ACOX2: variants seen among roughly 807,000 people sequenced by gnomAD.
ACOX2 encodes the protein peroxisomal acyl-coenzyme A oxidase 2.
In ACOX2, 59 loss-of-function variants were observed where a neutral mutation model predicts 77.5. That is an observed-to-expected ratio of 0.76 (90% CI 0.62 to 0.95). The LOEUF is 0.95. ACOX2 is among the 40% of genes least tolerant of loss of function. The probability of loss-of-function intolerance (pLI) is 0.00; values close to 1 mark genes in which losing one functional copy is unlikely to be tolerated. For synonymous variants in ACOX2, 317 were observed against 340.1 expected, an observed-to-expected ratio of 0.93 and a Z score of 0.75; for missense variants, 837 against 880.4, an observed-to-expected ratio of 0.95 and a Z score of 0.62.
At chr3:58,507,728 A>G (rs1266802574) in intron 14 of ACOX2, among the ~76,000 whole-genome samples, 5 of 152,254 alleles carry the variant, frequency 3.3e-5, no homozygotes, top group African/African-American at 1.2e-4. Context: ...TAACTGTACT[A>G]AAGCAGTGAA....
rs1178612017 is a variant in ACOX2, at chr3:58,522,638, T to A, written c.1527-37A>T. On this transcript the variant is annotated intron_variant, in intron 11 of 14. Transcript: ENST00000302819. The surrounding 1 kb of genome is among the most constrained non-coding windows in gnomAD (Gnocchi z 4.3). ...AGCAAAAAAGGTTCAGCTTCCTGAC[T>A]GAGTGGAAAAGACAACTGATGGGCT... The A allele has an allele frequency of 1.3e-6, 2 of 1,596,568 alleles. No individual in the cohort carries two copies. Among genetic ancestry groups the A allele is most frequent in the South Asian group, 1.1e-5 (1 of 90,652 alleles).
At chr3:58,529,024 C>T (rs1301908998) in intron 8 of ACOX2, 68 bp from the exon 9 acceptor site, 4 of 1,449,156 alleles carry the variant, frequency 2.8e-6, no homozygotes, top group Non-Finnish European at 1.8e-6. Flanking sequence ...ATCCCCGACA[C>T]CATAAAAACC....
At position 58,534,382 on chromosome 3, in the gene ACOX2, G is replaced by A. The variant is rs1311486181; in HGVS notation, c.301C>T (p.Arg101Cys). 7 of 1,614,152 alleles carry A rather than the reference G, an allele frequency of 4.3e-6. No homozygotes were observed. The highest frequency in any genetic ancestry group is 4.5e-5 in the East Asian group (2 of 44,890). ...CACCTGTAAGCGTAGCCTAATTCACGACCATCTTCTAACCAACCCAGGCGC... is the reference window on the plus strand; with the variant it reads ...CACCTGTAAGCGTAGCCTAATTCACAACCATCTTCTAACCAACCCAGGCGC... ...ARRLGWLEDG[R>C]ELGYAYRALS... The change falls in exon 3 of 15, where the codon CGT becomes TGT. Residue 101 changes from arginine to cysteine, a missense_variant. Arg to Cys is a radical substitution (Grantham distance 180). Transcript: ENST00000302819. This position sits in a 1 kb window ranked among gnomAD's most constrained non-coding sequence, Gnocchi z 4.8.
At position 58,519,164 on chromosome 3, in the gene ACOX2, A is replaced by G. The variant is rs1291171500; in HGVS notation, c.1633-1741T>C. Among the ~76,000 whole-genome samples the G allele has an allele frequency of 1.3e-5, 2 of 151,882 alleles. No homozygotes were observed. Among genetic ancestry groups the G allele is most frequent in the African/African-American group, 4.8e-5 (2 of 41,374 alleles). On this transcript the variant is annotated intron_variant, in intron 12 of 14. Coordinates refer to ENST00000302819, the MANE Select transcript of ACOX2 (RefSeq NM_003500.4). The surrounding 1 kb of genome is among the most constrained non-coding windows in gnomAD (Gnocchi z 5.0). The stretch of plus-strand genomic sequence containing the variant: ...TTTGGGAAGTTGAGGTGGGCGGACC[A>G]CTTGAGGTCAGGAGTTCGAGACCAG...
Position 58,526,700 on chromosome 3 carries a change from C to T in ACOX2, c.1156-44G>A, listed in dbSNP as rs2063398584. On this transcript the variant is annotated intron_variant, in intron 9 of 14. Coordinates refer to ENST00000302819, the MANE Select transcript of ACOX2 (RefSeq NM_003500.4). This position sits in a 1 kb window ranked among gnomAD's most constrained non-coding sequence, Gnocchi z 4.3. Reference sequence around the variant, plus strand: ...GGGTTGGGCGGTGTTAGGGGGCCTCCACCATAGGGACCAACCCTGTGCACC... The same window carrying T: ...GGGTTGGGCGGTGTTAGGGGGCCTCTACCATAGGGACCAACCCTGTGCACC... The T allele has an allele frequency of 6.3e-7, 1 of 1,593,948 alleles. No individual in the cohort carries two copies. Among genetic ancestry groups the T allele is most frequent in the Non-Finnish European group, 8.6e-7 (1 of 1,169,106 alleles).
At chr3:58,517,037 T>C (rs1397586492) in intron 13 of ACOX2, among the ~76,000 whole-genome samples, 169 bp downstream of exon 13, 2 of 152,248 alleles carry the variant, frequency 1.3e-5, no homozygotes, top group Non-Finnish European at 2.9e-5. Context: ...TTTTTTTCTT[T>C]CATTAATTCA....
rs370102643 is a variant in ACOX2 at position 58,505,191 on chromosome 3, G to A, written c.*33C>T. On this transcript the variant is annotated 3_prime_UTR_variant, in exon 15 of 15. Coordinates refer to ENST00000302819, the MANE Select transcript of ACOX2 (RefSeq NM_003500.4). This position sits in a 1 kb window ranked among gnomAD's most constrained non-coding sequence, Gnocchi z 4.4. ...GCCATAGTACCATTATCACATGATG[G>A]TGCTGGTTGCTTCTTGAATACTGTT... The A allele has an allele frequency of 6.3e-7, 1 of 1,575,108 alleles. No individual in the cohort carries two copies. The highest frequency in any genetic ancestry group is 8.7e-7 in the Non-Finnish European group (1 of 1,148,290).
rs150806702 is a variant in ACOX2 at position 58,524,396 on chromosome 3, G to A, written c.1526+30C>T. The A allele has an allele frequency of 6.9e-6, 11 of 1,600,792 alleles. No homozygotes were observed. The highest frequency in any genetic ancestry group is 6.7e-5 in the African/African-American group (5 of 74,836). On this transcript the variant is annotated intron_variant, in intron 11 of 14. Coordinates refer to ENST00000302819, the MANE Select transcript of ACOX2 (RefSeq NM_003500.4). The surrounding 1 kb of genome is among the most constrained non-coding windows in gnomAD (Gnocchi z 5.5). Reference sequence around the variant, plus strand: ...TGTGGCATGGAGCCTGTGCCCAGGTGGGATGGCTGATTTCTCAGCACTGGC... The same window carrying A: ...TGTGGCATGGAGCCTGTGCCCAGGTAGGATGGCTGATTTCTCAGCACTGGC...
Position 58,531,740 on chromosome 3 carries a change from G to T in ACOX2, c.656C>A (p.Ala219Asp). The T allele has an allele frequency of 1.2e-6, 2 of 1,614,204 alleles. No homozygotes were observed. The highest frequency in any genetic ancestry group is 3.3e-4 in the Middle Eastern group (2 of 6,062). Residue 219 changes from alanine to aspartate, a missense_variant, in exon 6 of 15, where the codon GCT becomes GAT. Ala to Asp is a moderately radical substitution (Grantham distance 126, BLOSUM62 -2). Coordinates refer to ENST00000302819, the MANE Select transcript of ACOX2 (RefSeq NM_003500.4). The surrounding 1 kb of genome is among the most constrained non-coding windows in gnomAD (Gnocchi z 5.8). ...AAGACTCCGGATTGGCACAATAAAA[G>T]CGTGCATGCCCCGCCTGGCTCCTGA... Reference protein sequence around the residue: ...ICSGARRGMHAFIVPIRSLQD... With the variant: ...ICSGARRGMHDFIVPIRSLQD...
Position 58,519,494 on chromosome 3 carries a change from T to G in ACOX2, c.1633-2071A>C, listed in dbSNP as rs2063344544. 6.6e-6 allele frequency among the ~76,000 whole-genome samples: 1 copy of G among 152,104 alleles called. No homozygotes were observed. Among genetic ancestry groups the G allele is most frequent in the Non-Finnish European group, 1.5e-5 (1 of 68,018 alleles). On this transcript the variant is annotated intron_variant, in intron 12 of 14. Coordinates refer to ENST00000302819, the MANE Select transcript of ACOX2 (RefSeq NM_003500.4). This position sits in a 1 kb window ranked among gnomAD's most constrained non-coding sequence, Gnocchi z 5.0. ...GCTTTATGTGCAAAAGGCTGTACTT[T>G]CAGGAAGCTGCAGGCAATTTAATGA... is the stretch of plus-strand genomic sequence containing the variant.
At position 58,510,665 on chromosome 3, in the gene ACOX2, T is replaced by TAA. The variant is rs1560209686; in HGVS notation, c.1851-1641_1851-1640insTT. Among the ~76,000 whole-genome samples, 26 of 10,240 alleles carry TAA rather than the reference T, an allele frequency of 2.5e-3. 1 individual carries two copies. Among genetic ancestry groups the TAA allele is most frequent in the African/African-American group, 4.2e-3 (10 of 2,364 alleles). The allele number at this position is 10,240 out of a possible 152,430, so 6.7% of individuals were successfully genotyped here. ...AAAAAAAAAAAAAAAAAAAAAAAAA[T>TAA]ATATATATATATATATATATATATA... On this transcript the variant is annotated intron_variant, in intron 13 of 14. Coordinates refer to ENST00000302819, the MANE Select transcript of ACOX2 (RefSeq NM_003500.4).
rs1168841796 is a variant in ACOX2 at position 58,526,256 on chromosome 3, C to T, written c.1346+210G>A. ...AGCAGGACAGGATAGAAGCAAGAGA[C>T]CAGGGAGGGGTCTGAGGCTGTGGTG... On this transcript the variant is annotated intron_variant, in intron 10 of 14. Coordinates refer to ENST00000302819, the MANE Select transcript of ACOX2 (RefSeq NM_003500.4). This position sits in a 1 kb window ranked among gnomAD's most constrained non-coding sequence, Gnocchi z 4.3. Among the ~76,000 whole-genome samples the T allele has an allele frequency of 6.6e-6, 1 of 152,166 alleles. No individual in the cohort carries two copies. The highest frequency in any genetic ancestry group is 1.5e-5 in the Non-Finnish European group (1 of 68,012).
At position 58,526,368 on chromosome 3, in the gene ACOX2, T is replaced by C; in HGVS notation, c.1346+98A>G. The C allele has an allele frequency of 7.3e-7, 1 of 1,376,390 alleles. No homozygotes were observed. The highest frequency in any genetic ancestry group is 1.5e-5 in the South Asian group (1 of 67,040). The allele number at this position is 1,376,390 out of a possible 1,614,324, so 85.3% of individuals were successfully genotyped here. ...CTCCCAAATAGCACTTCGCAAAGCC[T>C]GCTCTTTTTATGGGCCTCAGACGGA... On this transcript the variant is annotated intron_variant, in intron 10 of 14. Coordinates refer to ENST00000302819, the MANE Select transcript of ACOX2 (RefSeq NM_003500.4). The surrounding 1 kb of genome is among the most constrained non-coding windows in gnomAD (Gnocchi z 4.3).
At position 58,526,816 on chromosome 3, in the gene ACOX2, C is replaced by T. The variant is rs1415879953; in HGVS notation, c.1156-160G>A. ...CTTTATGAATGAGAAGGCGGGTACT[C>T]AGCTTATGTGACTCACCCAGAGGCA... is the stretch of plus-strand genomic sequence containing the variant. On this transcript the variant is annotated intron_variant, in intron 9 of 14. Transcript: ENST00000302819. The surrounding 1 kb of genome is among the most constrained non-coding windows in gnomAD (Gnocchi z 4.3). 9.1e-6 allele frequency: 7 copies of T among 768,984 alleles called. No individual in the cohort carries two copies. The highest frequency in any genetic ancestry group is 8.9e-5 in the African/African-American group (5 of 56,492). 47.6% of individuals were successfully genotyped at this position (768,984 alleles called of 1,614,324 possible). A position where few individuals can be genotyped will look rare whatever the true frequency, so the allele number is the denominator to read the frequency against.
chr3:58,534,461 A>G lies in ACOX2; in HGVS notation c.222T>C (p.Asn74=), dbSNP rs1262250359. 6.2e-7 allele frequency: 1 copy of G among 1,614,176 alleles called. No homozygotes were observed. Among genetic ancestry groups the G allele is most frequent in the Admixed American group, 1.7e-5 (1 of 60,016 alleles). Residue 74 remains asparagine, a synonymous_variant, in exon 3 of 15, where the codon AAT becomes AAC. Transcript: ENST00000302819. This position sits in a 1 kb window ranked among gnomAD's most constrained non-coding sequence, Gnocchi z 4.8. ...SCKDNYFMTQ[N]ERYKAAMRRA... ...TCCGCATGGCAGCCTTATAACGCTCATTCTGGGTCATGAAATAATTGTCCT... is the reference window on the plus strand; with the variant it reads ...TCCGCATGGCAGCCTTATAACGCTCGTTCTGGGTCATGAAATAATTGTCCT...
chr3:58,535,263 C>A lies in ACOX2; in HGVS notation c.-91-66G>T. On this transcript the variant is annotated intron_variant, in intron 1 of 14. Transcript: ENST00000302819. The surrounding 1 kb of genome is among the most constrained non-coding windows in gnomAD (Gnocchi z 4.8). ...GGGCTGGTTGGTAGAAGAAAGACAT[C>A]CCTAAGTACCTGAATGCCACTCCAC... The A allele has an allele frequency of 3.6e-6, 3 of 842,834 alleles. No individual in the cohort carries two copies. The highest frequency in any genetic ancestry group is 2.5e-5 in the East Asian group (1 of 40,392). The allele number at this position is 842,834 out of a possible 1,614,324, so 52.2% of individuals were successfully genotyped here. A position where few individuals can be genotyped will look rare whatever the true frequency, so the allele number is the denominator to read the frequency against.
At position 58,516,385 on chromosome 3, in the gene ACOX2, C is replaced by A. The variant is rs144762562; in HGVS notation, c.1850+821G>T. Among the ~76,000 whole-genome samples the A allele has an allele frequency of 5.8e-3, 879 of 152,330 alleles. 7 individuals are homozygous for A. Among genetic ancestry groups the A allele is most frequent in the Non-Finnish European group, 0.011 (729 of 68,034 alleles). ...GACCTGAGATTGTACCCAGCCCCTC[C>A]TCTGGCTGATTGTGTGATACTGGGC... is the stretch of plus-strand genomic sequence containing the variant. On this transcript the variant is annotated intron_variant, in intron 13 of 14. Transcript: ENST00000302819.
Position 58,531,157 on chromosome 3 carries a change from A to G in ACOX2, c.819+94T>C. 8.7e-7 allele frequency: 1 copy of G among 1,152,304 alleles called. No homozygotes were observed. Among genetic ancestry groups the G allele is most frequent in the Non-Finnish European group, 1.2e-6 (1 of 805,522 alleles). 71.4% of individuals were successfully genotyped at this position (1,152,304 alleles called of 1,614,324 possible). A position where few individuals can be genotyped will look rare whatever the true frequency, so the allele number is the denominator to read the frequency against. The stretch of plus-strand genomic sequence containing the variant: ...TTGGGGGAGGAGGTTATGTGGCCCA[A>G]ACTAAGCTCTATGGAGGACCCAGGC... On this transcript the variant is annotated intron_variant, in intron 7 of 14. Coordinates refer to ENST00000302819, the MANE Select transcript of ACOX2 (RefSeq NM_003500.4). The surrounding 1 kb of genome is among the most constrained non-coding windows in gnomAD (Gnocchi z 5.8).
At position 58,531,779 on chromosome 3, in the gene ACOX2, G is replaced by T. The variant is rs1381307411; in HGVS notation, c.617C>A (p.Ala206Asp). The change falls in exon 6 of 15, where the codon GCC (alanine) becomes GAC (aspartate). Residue 206 changes from alanine to aspartate, a missense_variant. Ala to Asp is a moderately radical substitution (Grantham distance 126). Coordinates refer to ENST00000302819, the MANE Select transcript of ACOX2 (RefSeq NM_003500.4). This position sits in a 1 kb window ranked among gnomAD's most constrained non-coding sequence, Gnocchi z 5.8. ...CCTGGCTCCTGAGCAGATCAGCTGG[G>T]CCTGGACCAGGGCATGGGTGGCTGA... ...GRSATHALVQ[A>D]QLICSGARRG... 1 of 1,614,014 alleles carries T rather than the reference G, an allele frequency of 6.2e-7. No individual in the cohort carries two copies. Among genetic ancestry groups the T allele is most frequent in the Non-Finnish European group, 8.5e-7 (1 of 1,180,026 alleles).
Sources: gnomAD v4.1 joint callset for allele counts (sites outside exome capture counted in the v4.1 genomes callset) on GRCh38, gnomAD v4.1.1 for gene constraint, Gnocchi (gnomAD v3.1) non-coding constraint, MANE v1.5 for transcripts, NCBI Gene and HGNC (gene_info 2026-07-23, HGNC 2026-07-21) for gene names.